SNX29: variants seen among roughly 807,000 people sequenced by gnomAD.
The protein encoded by SNX29 is sorting nexin 29, also known as sorting nexin-29.
SNX29 carries 78 observed loss-of-function variants against 102.1 expected under a neutral mutation model. That is an observed-to-expected ratio of 0.76 (90% CI 0.64 to 0.92). The LOEUF (loss-of-function observed/expected upper bound fraction) is 0.92. Ranked by LOEUF, SNX29 falls within the 40% of genes least tolerant of loss-of-function variation. The pLI is 0.00. For missense variants in SNX29, 1,280 were observed against 1,061.7 expected (o/e 1.21, Z -2.86); for synonymous variants, 580 against 414.5 (o/e 1.40, Z -4.85).
At position 12,569,372 on chromosome 16, in the gene SNX29, C is replaced by T. The variant is rs1352805722; in HGVS notation, c.*743C>T. 2 of 230,474 alleles carry T rather than the reference C, an allele frequency of 8.7e-6. No homozygotes were observed. The highest frequency in any genetic ancestry group is 2.2e-5 in the African/African-American group (1 of 45,168). The allele number at this position is 230,474 out of a possible 1,614,324, so 14.3% of individuals were successfully genotyped here. On this transcript the variant is annotated 3_prime_UTR_variant, in exon 21 of 21. Coordinates refer to ENST00000566228, the MANE Select transcript of SNX29 (RefSeq NM_032167.5). ...CCTCGCCAGGCTTGGAGTGGGGGGA[C>T]TCAGACATCTGGCCCAGCCATCAGC...
At chr16:12,349,581 C>G (rs1597026184) in intron 15 of SNX29, among the ~76,000 whole-genome samples, 1 of 152,206 alleles carries the variant, frequency 6.6e-6, no homozygotes, top group Admixed American at 6.5e-5. Flanking sequence ...ATTTGGGATG[C>G]TCATCCTGTA....
At chr16:11,994,054 G>C (rs978719359) in intron 1 of SNX29, among the ~76,000 whole-genome samples, 14 of 152,220 alleles carry the variant, frequency 9.2e-5, no homozygotes, top group African/African-American at 2.7e-4. Flanking sequence ...CCAGGAGGCA[G>C]AGGTTGCAGT....
chr16:12,551,295 T>G (rs1043207596), intron 20 of SNX29, among the ~76,000 whole-genome samples: 2 of 152,194 alleles, frequency 1.3e-5, no homozygotes, highest in East Asian at 1.9e-4. Flanking sequence ...AACCAGTTTG[T>G]CAGCCCACCA....
chr16:12,465,839 T>G (rs965926836), intron 18 of SNX29, among the ~76,000 whole-genome samples: 8 of 84,964 alleles, frequency 9.4e-5, no homozygotes, highest in South Asian at 7.4e-4. Flanking sequence ...TTTGTTTGTG[T>G]TTTTTTTTTT....
At chr16:12,390,158 G>GTGTGTC (rs1311454952) in intron 16 of SNX29, among the ~76,000 whole-genome samples, 1 of 149,506 alleles carries the variant, frequency 6.7e-6, no homozygotes, top group Non-Finnish European at 1.5e-5. Context: ...GGGTGTGTGT[G>GTGTGTC]TGTGTGTGTG....
chr16:12,005,571 G>A (rs1412017522), intron 3 of SNX29, among the ~76,000 whole-genome samples: 3 of 152,056 alleles, frequency 2.0e-5, no homozygotes, highest in East Asian at 1.9e-4. Flanking sequence ...TGTGTGTGCC[G>A]TGTGTGTGTC....
At chr16:12,545,104 G>A (rs78044507) in intron 20 of SNX29, among the ~76,000 whole-genome samples, 2,532 of 152,254 alleles carry the variant, frequency 0.017, 67 homozygotes, top group South Asian at 0.12. Context: ...CCAGGCTGCA[G>A]TAGCCAGCTC....
At chr16:12,053,611 GC>G (rs2050397307) in intron 8 of SNX29, among the ~76,000 whole-genome samples, 1 of 151,548 alleles carries the variant, frequency 6.6e-6, no homozygotes, top group Admixed American at 6.6e-5. Flanking sequence ...TGTTTAGGCT[GC>G]AGTATACCCT....
At chr16:12,260,908 TTGAGCTCAGG>T (rs1039804360) in intron 14 of SNX29, among the ~76,000 whole-genome samples, 3 of 132,964 alleles carry the variant, frequency 2.3e-5, no homozygotes, top group African/African-American at 5.7e-5. Context: ...TGAGTGTTTG[TTGAGCTCAGG>T]TCAGTGCACG....
At chr16:12,271,247 C>G (rs79111170) in intron 14 of SNX29, among the ~76,000 whole-genome samples, 4,543 of 152,332 alleles carry the variant, frequency 0.03, 99 homozygotes, top group Admixed American at 0.063. Context: ...AAGGCTCTGT[C>G]ATGGTGTCAG....
chr16:12,007,404 C>G (rs558749520), intron 3 of SNX29, among the ~76,000 whole-genome samples: 1 of 152,098 alleles, frequency 6.6e-6, no homozygotes, highest in East Asian at 1.9e-4. Flanking sequence ...ACTCGGGAGG[C>G]TGAGACAGGA....
intron 13 of SNX29, among the ~76,000 whole-genome samples, chr16:12,176,393 T>G (rs1033540803): frequency 6.6e-6 from 1 of 152,202 alleles, no homozygotes; most frequent in Admixed American, 6.5e-5. Flanking sequence ...GAAATGGGAA[T>G]AGTGAATGTT....
intron 3 of SNX29, among the ~76,000 whole-genome samples, chr16:12,018,979 T>A (rs1417408827): frequency 6.6e-6 from 1 of 152,026 alleles, no homozygotes; most frequent in Non-Finnish European, 1.5e-5. Context: ...TTATTTAATA[T>A]TACAATCTAA....
chr16:12,376,331 G>T (rs1408787880), intron 16 of SNX29, among the ~76,000 whole-genome samples: 1 of 152,214 alleles, frequency 6.6e-6, no homozygotes, highest in Non-Finnish European at 1.5e-5. Flanking sequence ...TATGGACGAA[G>T]TGAGTCTTAC....
intron 15 of SNX29, among the ~76,000 whole-genome samples, chr16:12,305,284 G>A (rs987267630): frequency 3.9e-5 from 6 of 152,254 alleles, no homozygotes; most frequent in African/African-American, 1.2e-4. Flanking sequence ...GTGTGACGAG[G>A]TTAGACTCAG....
rs189539002 is a variant in SNX29 at position 12,213,171 on chromosome 16, C to T, written c.1678+13488C>T. On this transcript the variant is annotated intron_variant, in intron 14 of 20. Coordinates refer to ENST00000566228, the MANE Select transcript of SNX29 (RefSeq NM_032167.5). ...CTACTCGGACATAAAGAATGGAATA[C>T]TGTCTTTTGCAGCCACTTGGATGGA... 2.7e-3 allele frequency among the ~76,000 whole-genome samples: 404 copies of T among 152,270 alleles called. 2 individuals are homozygous for T. The highest frequency in any genetic ancestry group is 3.0e-3 in the Non-Finnish European group (205 of 68,014).
intron 19 of SNX29, among the ~76,000 whole-genome samples, chr16:12,490,028 A>G (rs1260454570): frequency 6.6e-6 from 1 of 151,458 alleles, no homozygotes. Flanking sequence ...CTGGTCTCAA[A>G]CTCCTGGCCT....
At chr16:12,315,835 G>C (rs2080715063) in intron 15 of SNX29, among the ~76,000 whole-genome samples, 1 of 152,224 alleles carries the variant, frequency 6.6e-6, no homozygotes, top group South Asian at 2.1e-4. Context: ...TAGAGAGTTT[G>C]TCACCCCTGC....
intron 9 of SNX29, 27 bp downstream of exon 9, chr16:12,061,673 C>T (rs1434061093): frequency 1.3e-6 from 2 of 1,577,900 alleles, no homozygotes; most frequent in East Asian, 2.3e-5. Flanking sequence ...TACTCCTTTC[C>T]TCCAATAAGA....
Sources: gnomAD v4.1 joint callset for allele counts (sites outside exome capture counted in the v4.1 genomes callset) on GRCh38, gnomAD v4.1.1 for gene constraint, MANE v1.5 for transcripts, NCBI Gene and HGNC (gene_info 2026-07-23, HGNC 2026-07-21) for gene names.